Variants in LRRC53 observed in about 807,000 individuals in gnomAD.
LRRC53 encodes leucine rich repeat containing 53.
A neutral mutation model predicts 13.6 loss-of-function variants in LRRC53; 25 were observed. The ratio of observed to expected loss-of-function variants is 1.83; its 90% CI spans 1.34 to 2.56. LRRC53 has a LOEUF of 2.56. LRRC53 is among the 30% of genes most tolerant of loss of function. LRRC53 has a pLI of 0.00. For missense variants in LRRC53, 527 were observed against 275.8 expected, an observed-to-expected ratio of 1.91 and a Z score of -6.45; for synonymous variants, 204 against 109.8, an observed-to-expected ratio of 1.86 and a Z score of -5.37.
the LRRC53 span, among the ~76,000 whole-genome samples, chr1:74,533,056 T>C: frequency 2.6e-5 from 4 of 152,110 alleles, no homozygotes; most frequent in African/African-American, 9.7e-5. Context: ...AAAGCCAAAA[T>C]TGACAAATGG....
At chr1:74,508,860 A>G (rs990822077) in intron 1 of LRRC53, among the ~76,000 whole-genome samples, 3 of 152,220 alleles carry the variant, frequency 2.0e-5, no homozygotes, top group Admixed American at 1.3e-4. Context: ...CTCAGTAACT[A>G]AAATAGGGAC....
chr1:74,509,146 TAGC>T (rs1471621255), intron 1 of LRRC53, among the ~76,000 whole-genome samples: 2 of 152,224 alleles, frequency 1.3e-5, no homozygotes, highest in African/African-American at 4.8e-5. Flanking sequence ...CCTCATTAAA[TAGC>T]AGCTTTACCC....
At chr1:74,530,162 G>T in the LRRC53 span, among the ~76,000 whole-genome samples, 12 of 152,238 alleles carry the variant, frequency 7.9e-5, no homozygotes, top group South Asian at 2.5e-3. Flanking sequence ...ACCCCAGAGG[G>T]TAGGGTCTAT....
intron 1 of LRRC53, among the ~76,000 whole-genome samples, chr1:74,509,318 A>C (rs182768204): frequency 6.6e-5 from 10 of 152,340 alleles, no homozygotes; most frequent in African/African-American, 2.4e-4. Flanking sequence ...GAAATCAGGA[A>C]AATGACATTT....
At chr1:74,516,555 T>C (rs1174747545), upstream of LRRC53, among the ~76,000 whole-genome samples, 2 of 151,582 alleles carry the variant, frequency 1.3e-5, no homozygotes, top group South Asian at 2.1e-4. Context: ...CAGGGAGCAA[T>C]AGAGGATGAG....
chr1:74,530,242 A>G, the LRRC53 span, among the ~76,000 whole-genome samples: 2 of 152,236 alleles, frequency 1.3e-5, no homozygotes, highest in African/African-American at 4.8e-5. Context: ...ATAAAAAGCC[A>G]TGGAAAAAGG....
At chr1:74,500,192 C>T (rs1382674721) in intron 1 of LRRC53, among the ~76,000 whole-genome samples, 3 of 151,982 alleles carry the variant, frequency 2.0e-5, no homozygotes, top group Non-Finnish European at 4.4e-5. Context: ...TTATCTTCAT[C>T]AAGATTTTAT....
At chr1:74,507,742 C>A (rs992604487) in intron 1 of LRRC53, among the ~76,000 whole-genome samples, 2 of 152,212 alleles carry the variant, frequency 1.3e-5, no homozygotes, top group African/African-American at 2.4e-5. Flanking sequence ...GTATTCCCTA[C>A]TAATATGGTA....
rs1483633548 is a variant in LRRC53 at position 74,470,762 on chromosome 1, G to A, written c.2860C>T (p.His954Tyr). 1 of 400,426 alleles carries A rather than the reference G, an allele frequency of 2.5e-6. No individual in the cohort carries two copies. Among genetic ancestry groups the A allele is most frequent in the Non-Finnish European group, 4.4e-6 (1 of 226,166 alleles). 24.8% of individuals were successfully genotyped at this position (400,426 alleles called of 1,614,324 possible). A position where few individuals can be genotyped will look rare whatever the true frequency, so the allele number is the denominator to read the frequency against. Residue 954 changes from histidine (H) to tyrosine (Y), a missense_variant, in exon 5 of 5, where the codon CAC becomes TAC. Transcript: ENST00000294635. ...YTLDQNEALQ[H>Y]REQNSSHAQL... ...GCATGACTTGAATTTTGCTCTCTGT[G>A]TTGTAAGGCTTCATTTTGGTCTAAA...
chr1:74,512,929 T>A (rs998585618), upstream of LRRC53, among the ~76,000 whole-genome samples: 1 of 152,200 alleles, frequency 6.6e-6, no homozygotes, highest in Non-Finnish European at 1.5e-5. Context: ...GCCTTTTCTG[T>A]CCCTCATCCG....
chr1:74,506,733 G>A (rs1015481346), intron 1 of LRRC53, among the ~76,000 whole-genome samples: 1 of 152,012 alleles, frequency 6.6e-6, no homozygotes, highest in African/African-American at 2.4e-5. Flanking sequence ...CCAATCTCTG[G>A]GGACCTTTTA....
chr1:74,491,965 C>T (rs1669099120), intron 1 of LRRC53: 1 of 1,315,766 alleles, frequency 7.6e-7, no homozygotes, highest in South Asian at 2.5e-5. Context: ...AAGGAAAAGC[C>T]AGGAGCAAGC....
At chr1:74,513,623 G>A (rs1458508968), upstream of LRRC53, among the ~76,000 whole-genome samples, 1 of 152,164 alleles carries the variant, frequency 6.6e-6, no homozygotes, top group Non-Finnish European at 1.5e-5. Context: ...AGTGTTAAAT[G>A]TTTAACATCT....
intron 1 of LRRC53, among the ~76,000 whole-genome samples, chr1:74,509,317 A>G (rs1161981342): frequency 6.6e-6 from 1 of 152,218 alleles, no homozygotes; most frequent in African/African-American, 2.4e-5. Flanking sequence ...AGAAATCAGG[A>G]AAATGACATT....
intron 1 of LRRC53, among the ~76,000 whole-genome samples, chr1:74,511,476 A>G (rs1557618023): frequency 6.6e-6 from 1 of 152,100 alleles, no homozygotes; most frequent in Non-Finnish European, 1.5e-5. Context: ...TTAACAATAT[A>G]TTACTTACAG....
the LRRC53 span, among the ~76,000 whole-genome samples, chr1:74,520,470 G>A: frequency 3.8e-4 from 58 of 151,938 alleles, 1 homozygote; most frequent in East Asian, 0.011. Context: ...TCTCATTTCT[G>A]AGGCCCATCC....
chr1:74,470,145 A>T lies in LRRC53; in HGVS notation c.3477T>A (p.Asp1159Glu), dbSNP rs1210872051. The change falls in exon 5 of 5, where the codon GAT becomes GAA. Residue 1159 changes from aspartate to glutamate, a missense_variant. Physicochemically the swap from Asp to Glu is conservative, Grantham distance 45. Coordinates refer to ENST00000294635, the MANE Select transcript of LRRC53 (RefSeq NM_001382280.1). ...TQNRILCSEV[D>E]PEVNSNVHNF... ...TATGTACATTACTGTTAACTTCAGG[A>T]TCTACTTCACTGCAAAGTATTCTAT... The T allele has an allele frequency of 5.0e-6, 2 of 400,594 alleles. No individual in the cohort carries two copies. The highest frequency in any genetic ancestry group is 4.4e-6 in the Non-Finnish European group (1 of 226,182). 24.8% of individuals were successfully genotyped at this position (400,594 alleles called of 1,614,324 possible).
the LRRC53 span, among the ~76,000 whole-genome samples, chr1:74,530,445 T>C: frequency 3.9e-5 from 6 of 152,304 alleles, no homozygotes; most frequent in African/African-American, 1.4e-4. Flanking sequence ...ATTTTGTAAG[T>C]TTTGTAAAGT....
At chr1:74,486,201 A>AAGAGAGAGAGAG (rs58506314) in intron 1 of LRRC53, among the ~76,000 whole-genome samples, 26,066 of 135,996 alleles carry the variant, frequency 0.19, 3,154 homozygotes, top group East Asian at 0.42. Context: ...AAATGCTATA[A>AAGAGAGAGAGAG]AGAGAGAGAG....
Sources: gnomAD v4.1 joint callset for allele counts (sites outside exome capture counted in the v4.1 genomes callset) on GRCh38, gnomAD v4.1.1 for gene constraint, MANE v1.5 for transcripts, NCBI Gene and HGNC (gene_info 2026-07-23, HGNC 2026-07-21) for gene names.